Variants in GPC5 observed in about 807,000 individuals in gnomAD.
GPC5 encodes glypican 5, also known as glypican-5.
A neutral mutation model predicts 53.9 loss-of-function variants in GPC5; 47 were observed. The observed-to-expected ratio is 0.87, with a 90% CI of 0.69 to 1.11. The LOEUF is 1.11. Ranked by LOEUF, GPC5 falls within the 50% of genes most tolerant of loss-of-function variation. The probability of loss-of-function intolerance (pLI) is 0.00; values close to 1 mark genes in which losing one functional copy is unlikely to be tolerated. For missense variants in GPC5, 748 were observed against 713.1 expected, an observed-to-expected ratio of 1.05 and a Z score of -0.56; for synonymous variants, 286 against 263.3, an observed-to-expected ratio of 1.09 and a Z score of -0.84.
chr13:92,796,062 C>T (rs181607092), intron 7 of GPC5, among the ~76,000 whole-genome samples: 6 of 152,130 alleles, frequency 3.9e-5, no homozygotes, highest in African/African-American at 1.2e-4. Context: ...CACATGCACT[C>T]GTATGTTTAT....
At chr13:92,602,183 A>G (rs889404358) in intron 7 of GPC5, among the ~76,000 whole-genome samples, 2 of 142,796 alleles carry the variant, frequency 1.4e-5, no homozygotes, top group African/African-American at 5.2e-5. Context: ...CACTATATAT[A>G]TTACATATAT....
intron 7 of GPC5, among the ~76,000 whole-genome samples, chr13:92,544,955 C>A (rs1423384160): frequency 1.3e-5 from 2 of 151,324 alleles, no homozygotes; most frequent in Non-Finnish European, 2.9e-5. Context: ...TTTTAGGGTA[C>A]CTGTGCACAA....
intron 6 of GPC5, among the ~76,000 whole-genome samples, chr13:91,999,327 G>C (rs2352189): frequency 0.065 from 9,959 of 152,054 alleles, 1,119 homozygotes; most frequent in African/African-American, 0.22. Context: ...TTCAGAATGT[G>C]AGAAGGTAAA....
chr13:92,019,263 T>G (rs1339789629), intron 6 of GPC5, among the ~76,000 whole-genome samples: 1 of 44,618 alleles, frequency 2.2e-5, no homozygotes, highest in African/African-American at 4.7e-5. Flanking sequence ...TGCATAAGTA[T>G]ATAAGCATAC....
chr13:91,806,437 CT>C (rs36011304), intron 5 of GPC5, among the ~76,000 whole-genome samples: 83,578 of 148,036 alleles, frequency 0.56, 23,920 homozygotes, highest in East Asian at 0.95. Context: ...AATTTAATTT[CT>C]TTTTTTTTTT....
At chr13:91,702,031 A>C (rs2032085144) in intron 3 of GPC5, among the ~76,000 whole-genome samples, 1 of 151,992 alleles carries the variant, frequency 6.6e-6, no homozygotes, top group South Asian at 2.1e-4. Context: ...TTTAATTTGC[A>C]TTTCCCTGTT....
chr13:92,431,020 T>C (rs766694693), intron 7 of GPC5, among the ~76,000 whole-genome samples: 1 of 152,162 alleles, frequency 6.6e-6, no homozygotes, highest in Non-Finnish European at 1.5e-5. Flanking sequence ...TATGCAATAG[T>C]TGTCTGGTAA....
At chr13:92,571,278 G>A (rs1443884904) in intron 7 of GPC5, among the ~76,000 whole-genome samples, 1 of 152,166 alleles carries the variant, frequency 6.6e-6, no homozygotes, top group Non-Finnish European at 1.5e-5. Flanking sequence ...TAATCCTGAA[G>A]TATAGAGAGA....
chr13:92,082,192 A>G (rs2041301099), intron 6 of GPC5, among the ~76,000 whole-genome samples: 1 of 152,074 alleles, frequency 6.6e-6, no homozygotes, highest in South Asian at 2.1e-4. Flanking sequence ...TTGCTGAGAC[A>G]TTATATATAT....
intron 5 of GPC5, among the ~76,000 whole-genome samples, chr13:91,882,315 T>C (rs535975756): frequency 6.6e-6 from 1 of 152,264 alleles, no homozygotes; most frequent in South Asian, 2.1e-4. Flanking sequence ...TATTCTTGTA[T>C]ATAAGTATTG....
At chr13:92,151,944 GAC>G (rs2041910373) in intron 7 of GPC5, among the ~76,000 whole-genome samples, 1 of 152,142 alleles carries the variant, frequency 6.6e-6, no homozygotes, top group African/African-American at 2.4e-5. Context: ...ATATTTATGA[GAC>G]AGTGGTATTT....
At chr13:91,740,578 A>G (rs2036911453) in intron 4 of GPC5, among the ~76,000 whole-genome samples, 1 of 152,154 alleles carries the variant, frequency 6.6e-6, no homozygotes, top group Admixed American at 6.6e-5. Flanking sequence ...ATTTCTGTTT[A>G]TATAGCATGC....
intron 7 of GPC5, among the ~76,000 whole-genome samples, chr13:92,393,258 G>A (rs1462239532): frequency 6.6e-6 from 1 of 152,066 alleles, no homozygotes; most frequent in Non-Finnish European, 1.5e-5. Context: ...AAATATAGTT[G>A]GAGCTGGAGA....
intron 6 of GPC5, among the ~76,000 whole-genome samples, chr13:92,136,717 A>T (rs2041787394): frequency 1.4e-5 from 2 of 142,124 alleles, no homozygotes; most frequent in South Asian, 2.1e-4. Context: ...ATATTTGAAT[A>T]TGATGAATGT....
rs573521117 is a variant in GPC5 at position 91,459,332 on chromosome 13, C to G, written c.325+10410C>G. Reference sequence around the variant, plus strand: ...AATGAAATAAAAAATAAAATAAGCACTCTATCTAGTTGTCTAATCTATCAT... The same window carrying G: ...AATGAAATAAAAAATAAAATAAGCAGTCTATCTAGTTGTCTAATCTATCAT... On this transcript the variant is annotated intron_variant, in intron 2 of 7. Coordinates refer to ENST00000377067, the MANE Select transcript of GPC5 (RefSeq NM_004466.6). Among the ~76,000 whole-genome samples, 134 of 152,088 alleles carry G rather than the reference C, an allele frequency of 8.8e-4. No individual in the cohort carries two copies. In the Middle Eastern group the frequency reaches 0.01, roughly 12 times the overall value.
chr13:92,259,897 G>C (rs1424936743), intron 7 of GPC5, among the ~76,000 whole-genome samples: 1 of 152,138 alleles, frequency 6.6e-6, no homozygotes, highest in East Asian at 1.9e-4. Flanking sequence ...CATTTGGGAA[G>C]AGTCCAGGGA....
chr13:92,762,480 G>A (rs754129541), intron 7 of GPC5, among the ~76,000 whole-genome samples: 26 of 152,102 alleles, frequency 1.7e-4, no homozygotes, highest in South Asian at 4.1e-4. Context: ...TATGTGACTC[G>A]TTGCTTTTCT....
intron 7 of GPC5, among the ~76,000 whole-genome samples, chr13:92,754,784 C>G (rs1594482549): frequency 6.6e-6 from 1 of 150,774 alleles, no homozygotes; most frequent in Non-Finnish European, 1.5e-5. Flanking sequence ...AGCTAACTAT[C>G]CTAAATATAT....
At chr13:92,630,161 C>T (rs558857863) in intron 7 of GPC5, among the ~76,000 whole-genome samples, 1 of 152,146 alleles carries the variant, frequency 6.6e-6, no homozygotes, top group East Asian at 1.9e-4. Context: ...ACTATCACAC[C>T]CAACATTTAA....
Sources: allele counts gnomAD v4.1 joint callset (sites outside exome capture counted in the v4.1 genomes callset), GRCh38; gene constraint gnomAD v4.1.1; transcripts MANE v1.5; gene names NCBI Gene and HGNC (gene_info 2026-07-23, HGNC 2026-07-21).